Variants in DGKB observed in about 807,000 individuals in gnomAD.
DGKB encodes 90 kDa diacylglycerol kinase.
Under a neutral mutation model 114.3 loss-of-function variants are expected in DGKB, and 67 were observed. That is an observed-to-expected ratio of 0.59 (90% confidence interval 0.48 to 0.72). DGKB has a LOEUF of 0.72. DGKB is among the 30% of genes least tolerant of loss of function. The pLI is 0.00. For synonymous variants in DGKB, 398 were observed against 323.1 expected, an observed-to-expected ratio of 1.23 and a Z score of -2.49; for missense variants, 907 against 975.2, an observed-to-expected ratio of 0.93 and a Z score of 0.93.
chr7:14,973,466 A>G (rs761446757), intron 1 of DGKB, among the ~76,000 whole-genome samples: 1 of 144,162 alleles, frequency 6.9e-6, no homozygotes, highest in Non-Finnish European at 1.5e-5. Context: ...TAATCATACT[A>G]TTTCTTTTTG....
intron 1 of DGKB, among the ~76,000 whole-genome samples, chr7:14,941,777 A>C (rs1315962421): frequency 6.6e-6 from 1 of 152,070 alleles, no homozygotes; most frequent in East Asian, 1.9e-4. Context: ...AATATAATGG[A>C]AAGAGACTGA....
rs182256567 is a variant in DGKB, at chr7:14,355,292, T to G, written c.1836-9901A>C. On this transcript the variant is annotated intron_variant, in intron 21 of 25. Transcript: ENST00000402815. ...ATTTCTTTCTCTTGCCTGATTGCCC[T>G]GGCCAGAACTTCCAACACTATGTTG... is the stretch of plus-strand genomic sequence containing the variant. Among the ~76,000 whole-genome samples the G allele has an allele frequency of 3.6e-3, 550 of 152,328 alleles. 1 individual carries two copies. The highest frequency in any genetic ancestry group is 9.3e-3 in the Admixed American group (143 of 15,298).
chr7:14,617,913 G>C (rs144378055), intron 15 of DGKB, among the ~76,000 whole-genome samples: 1 of 151,508 alleles, frequency 6.6e-6, no homozygotes, highest in African/African-American at 2.4e-5. Context: ...TCTTAGCCCT[G>C]ATCTTTCTTA....
intron 22 of DGKB, among the ~76,000 whole-genome samples, chr7:14,344,459 C>T (rs146213607): frequency 5.3e-5 from 8 of 151,676 alleles, no homozygotes; most frequent in Non-Finnish European, 1.2e-4. Flanking sequence ...ATATAAGGAA[C>T]TAATGATTTA....
At chr7:14,358,620 A>G (rs1036250035) in intron 21 of DGKB, among the ~76,000 whole-genome samples, 4 of 152,172 alleles carry the variant, frequency 2.6e-5, no homozygotes, top group African/African-American at 9.7e-5. Flanking sequence ...ATGATACAAA[A>G]TCAATGCACA....
At chr7:14,220,350 C>T (rs1384874413) in intron 23 of DGKB, among the ~76,000 whole-genome samples, 1 of 151,410 alleles carries the variant, frequency 6.6e-6, no homozygotes, top group Non-Finnish European at 1.5e-5. Flanking sequence ...TGTAGATATC[C>T]AGTTGTCTCA....
At chr7:14,382,494 G>A (rs903174524) in intron 21 of DGKB, among the ~76,000 whole-genome samples, 2 of 151,214 alleles carry the variant, frequency 1.3e-5, no homozygotes, top group Admixed American at 6.6e-5. Context: ...ATATCCTAAA[G>A]TTTGTGAAAC....
chr7:14,794,663 G>A (rs1017776760), intron 2 of DGKB, among the ~76,000 whole-genome samples: 1 of 152,132 alleles, frequency 6.6e-6, no homozygotes, highest in South Asian at 2.1e-4. Flanking sequence ...TCTTGCAACT[G>A]GCTGAATTAC....
chr7:14,402,409 T>A (rs1823278586), intron 21 of DGKB, among the ~76,000 whole-genome samples: 1 of 151,890 alleles, frequency 6.6e-6, no homozygotes, highest in African/African-American at 2.4e-5. Flanking sequence ...TTGCTTTTTT[T>A]TCCTTATTGA....
chr7:14,559,123 A>C (rs1357659436), intron 20 of DGKB, among the ~76,000 whole-genome samples: 1 of 152,312 alleles, frequency 6.6e-6, no homozygotes, highest in Admixed American at 6.5e-5. Flanking sequence ...CATAATGGTG[A>C]CTTTTTTCAA....
At chr7:14,171,868 C>T (rs1363935020) in intron 25 of DGKB, among the ~76,000 whole-genome samples, 2 of 152,180 alleles carry the variant, frequency 1.3e-5, no homozygotes, top group Non-Finnish European at 2.9e-5. Context: ...AGGTACAGTG[C>T]TACGCTCTGG....
chr7:14,472,939 A>G (rs1348515223), intron 21 of DGKB, among the ~76,000 whole-genome samples: 2 of 152,190 alleles, frequency 1.3e-5, no homozygotes, highest in Non-Finnish European at 2.9e-5. Flanking sequence ...TGTTAAAGGC[A>G]TTCAGTTTTA....
At chr7:14,276,014 A>G (rs1223948329) in intron 23 of DGKB, among the ~76,000 whole-genome samples, 1 of 152,222 alleles carries the variant, frequency 6.6e-6, no homozygotes, top group Non-Finnish European at 1.5e-5. Context: ...CTCACATACT[A>G]TAGTGATAGA....
intron 1 of DGKB, among the ~76,000 whole-genome samples, chr7:14,863,680 T>A (rs1361138643): frequency 6.6e-6 from 1 of 152,166 alleles, no homozygotes; most frequent in African/African-American, 2.4e-5. Context: ...AATGTTTTGA[T>A]CTACATGTAC....
chr7:14,683,246 G>C (rs35453256), intron 10 of DGKB, among the ~76,000 whole-genome samples: 4 of 152,210 alleles, frequency 2.6e-5, no homozygotes, highest in African/African-American at 9.6e-5. Context: ...GCGGGTATGG[G>C]AATAAAAGCC....
At chr7:14,938,686 C>T (rs36877) in intron 1 of DGKB, among the ~76,000 whole-genome samples, 22,650 of 151,172 alleles carry the variant, frequency 0.15, 1,847 homozygotes, top group Non-Finnish European at 0.19. Flanking sequence ...AAAAATAGTT[C>T]GCAAAAGACA....
At chr7:14,643,913 G>A (rs575007492) in intron 13 of DGKB, among the ~76,000 whole-genome samples, 83 of 152,186 alleles carry the variant, frequency 5.5e-4, no homozygotes, top group East Asian at 3.3e-3. Flanking sequence ...GGGCTGCTGC[G>A]CACCTTTGCA....
At chr7:14,881,017 T>TCCTCAAACAGTCTTTCTTTATCTCTTAAC (rs1854147335) in intron 1 of DGKB, among the ~76,000 whole-genome samples, 1 of 152,182 alleles carries the variant, frequency 6.6e-6, no homozygotes, top group African/African-American at 2.4e-5. Context: ...GGCCAAAGAT[T>TCCTCAAACAGTCTTTCTTTATCTCTTAAC]ATAGGAAATT....
chr7:14,557,746 T>C (rs1796077956), intron 20 of DGKB, among the ~76,000 whole-genome samples: 1 of 151,998 alleles, frequency 6.6e-6, no homozygotes, highest in African/African-American at 2.4e-5. Flanking sequence ...TAAATGATGC[T>C]TATGGAAATT....
Sources: allele counts gnomAD v4.1 joint callset (sites outside exome capture counted in the v4.1 genomes callset), GRCh38; gene constraint gnomAD v4.1.1; transcripts MANE v1.5; gene names NCBI Gene and HGNC (gene_info 2026-07-23, HGNC 2026-07-21).